PTPRK: variants seen among roughly 807,000 people sequenced by gnomAD.
The protein encoded by PTPRK is receptor-type tyrosine-protein phosphatase kappa.
In PTPRK, 75 loss-of-function variants were observed where a neutral mutation model predicts 178.0. The observed-to-expected ratio is 0.42, with a 90% CI of 0.35 to 0.51. The LOEUF is 0.51. PTPRK is among the 20% of genes least tolerant of loss of function. The probability of loss-of-function intolerance (pLI) is 0.02; values close to 1 mark genes in which losing one functional copy is unlikely to be tolerated. For synonymous variants in PTPRK, 637 were observed against 620.6 expected (o/e 1.03, Z -0.39); for missense variants, 1,441 against 1,797.8 (o/e 0.80, Z 3.59).
At chr6:128,059,216 C>T (rs1780414597) in intron 13 of PTPRK, among the ~76,000 whole-genome samples, 1 of 152,060 alleles carries the variant, frequency 6.6e-6, no homozygotes. Context: ...TAAATCTACA[C>T]ATTAATGTAG....
At chr6:128,487,455 G>C (rs987079910) in intron 1 of PTPRK, among the ~76,000 whole-genome samples, 8 of 151,428 alleles carry the variant, frequency 5.3e-5, no homozygotes, top group Non-Finnish European at 1.2e-4. Flanking sequence ...GCAAGTCATA[G>C]AAAACAAAAT....
intron 6 of PTPRK, among the ~76,000 whole-genome samples, chr6:128,186,997 A>G (rs572472561): frequency 2.0e-5 from 3 of 152,284 alleles, no homozygotes; most frequent in Non-Finnish European, 4.4e-5. Flanking sequence ...AGAATGCTAA[A>G]TTCACATCTC....
chr6:128,500,366 G>C (rs540532763), intron 1 of PTPRK, among the ~76,000 whole-genome samples: 34 of 152,084 alleles, frequency 2.2e-4, no homozygotes, highest in South Asian at 4.2e-4. Flanking sequence ...GAAAATTTGG[G>C]GGGGGGAGTC....
chr6:128,054,976 C>A (rs1226538022), intron 13 of PTPRK, among the ~76,000 whole-genome samples: 2 of 152,106 alleles, frequency 1.3e-5, no homozygotes, highest in African/African-American at 4.8e-5. Flanking sequence ...GACTGTATGA[C>A]TTTTATTTCT....
At chr6:128,411,667 T>G (rs2128379479) in intron 1 of PTPRK, among the ~76,000 whole-genome samples, 1 of 152,336 alleles carries the variant, frequency 6.6e-6, no homozygotes, top group South Asian at 2.1e-4. Flanking sequence ...TGAAAATATT[T>G]GGTCAGAACA....
chr6:128,252,393 T>C (rs1816603106), intron 3 of PTPRK, among the ~76,000 whole-genome samples: 1 of 152,228 alleles, frequency 6.6e-6, no homozygotes, highest in Admixed American at 6.5e-5. Flanking sequence ...TAAACGATTA[T>C]CAATGGTGTT....
intron 13 of PTPRK, among the ~76,000 whole-genome samples, chr6:128,036,276 G>A (rs1369675936): frequency 6.6e-6 from 1 of 152,156 alleles, no homozygotes; most frequent in Non-Finnish European, 1.5e-5. Context: ...TTGTCTTCAT[G>A]GGAGCAGCTA....
At chr6:128,290,259 A>C (rs191366805) in intron 3 of PTPRK, among the ~76,000 whole-genome samples, 1 of 152,184 alleles carries the variant, frequency 6.6e-6, no homozygotes, top group East Asian at 1.9e-4. Flanking sequence ...ACCACTTAAA[A>C]CTGACATTTT....
chr6:128,407,262 A>G, intron 1 of PTPRK, among the ~76,000 whole-genome samples: 1 of 152,176 alleles, frequency 6.6e-6, no homozygotes, highest in Middle Eastern at 3.2e-3. Context: ...TTCAAACTCT[A>G]GTATATCAGA....
At position 128,087,214 on chromosome 6, in the gene PTPRK, C is replaced by A. The variant is rs1014480419; in HGVS notation, c.1465+2476G>T. ...TTTGTGGGAAAGAAGGGCAAACTAA[C>A]AAACCATATCCAAAAATACCATCAA... On this transcript the variant is annotated intron_variant, in intron 8 of 29. Transcript: ENST00000368226. Among the ~76,000 whole-genome samples, 8 of 152,166 alleles carry A rather than the reference C, an allele frequency of 5.3e-5. No homozygotes were observed. In the South Asian group the frequency reaches 1.2e-3, roughly 24 times the overall value.
chr6:128,208,809 T>C (rs1017237912), intron 6 of PTPRK, among the ~76,000 whole-genome samples: 1 of 152,160 alleles, frequency 6.6e-6, no homozygotes, highest in African/African-American at 2.4e-5. Flanking sequence ...TATGATTAGT[T>C]TAAGGCTTAC....
intron 25 of PTPRK, among the ~76,000 whole-genome samples, chr6:127,978,423 C>G (rs1486649897): frequency 6.6e-6 from 1 of 152,182 alleles, no homozygotes; most frequent in Non-Finnish European, 1.5e-5. Flanking sequence ...ACTCCTTCCC[C>G]TTCCTGCCAC....
At chr6:128,514,129 T>A (rs947337269) in intron 1 of PTPRK, among the ~76,000 whole-genome samples, 11 of 152,180 alleles carry the variant, frequency 7.2e-5, no homozygotes, top group Admixed American at 5.9e-4. Flanking sequence ...TATTAATAGA[T>A]ACCAATCTGG....
intron 6 of PTPRK, among the ~76,000 whole-genome samples, chr6:128,204,986 G>C (rs750648657): frequency 6.6e-6 from 1 of 152,102 alleles, no homozygotes; most frequent in South Asian, 2.1e-4. Context: ...AGCACTATTC[G>C]CAATAGCAAA....
At chr6:128,370,521 T>A (rs564101862) in intron 2 of PTPRK, among the ~76,000 whole-genome samples, 1 of 152,218 alleles carries the variant, frequency 6.6e-6, no homozygotes, top group East Asian at 1.9e-4. Flanking sequence ...CTTTTTAACA[T>A]CAAGATAATT....
At chr6:128,103,940 C>A (rs571106443) in intron 7 of PTPRK, among the ~76,000 whole-genome samples, 2 of 152,248 alleles carry the variant, frequency 1.3e-5, no homozygotes, top group East Asian at 3.9e-4. Context: ...ACCATCTCAC[C>A]TGCACTGACC....
At chr6:128,447,075 G>T (rs1847127517) in intron 1 of PTPRK, among the ~76,000 whole-genome samples, 1 of 151,846 alleles carries the variant, frequency 6.6e-6, no homozygotes, top group Non-Finnish European at 1.5e-5. Flanking sequence ...ATGGTGAGGG[G>T]GTACGAAAAT....
intron 2 of PTPRK, among the ~76,000 whole-genome samples, chr6:128,345,671 A>G (rs1173349784): frequency 6.6e-6 from 1 of 152,236 alleles, no homozygotes. Context: ...AATGCAGTCC[A>G]GAATTCCTCT....
intron 2 of PTPRK, among the ~76,000 whole-genome samples, chr6:128,347,098 AC>A (rs1832528835): frequency 6.6e-6 from 1 of 152,166 alleles, no homozygotes; most frequent in South Asian, 2.1e-4. Context: ...GAGATCCTGC[AC>A]CAGTAAATAA....
Sources: allele counts gnomAD v4.1 joint callset (sites outside exome capture counted in the v4.1 genomes callset), GRCh38; gene constraint gnomAD v4.1.1; transcripts MANE v1.5; gene names NCBI Gene and HGNC (gene_info 2026-07-23, HGNC 2026-07-21).